Variants in RDH13 observed in about 807,000 individuals in gnomAD.
The protein encoded by RDH13 is retinol dehydrogenase 13, also known as retinol dehydrogenase 13 (all-trans and 9-cis).
Under a neutral mutation model 28.3 loss-of-function variants are expected in RDH13, and 35 were observed. The ratio of observed to expected loss-of-function variants is 1.24; its 90% CI spans 0.95 to 1.64. RDH13 has a LOEUF of 1.64. RDH13 is among the 40% of genes most tolerant of loss of function. The pLI is 0.00. For missense variants in RDH13, 514 were observed against 446.3 expected, an observed-to-expected ratio of 1.15 and a Z score of -1.37; for synonymous variants, 229 against 198.5, an observed-to-expected ratio of 1.15 and a Z score of -1.29.
At chr19:55,062,868 G>A in intron 1 of RDH13, 100 bp downstream of exon 1, 1 of 1,072,576 alleles carries the variant, frequency 9.3e-7, no homozygotes, top group Non-Finnish European at 1.2e-6. Context: ...GAGCTACGGG[G>A]CCTGGACCCG....
intron 2 of RDH13, 30 bp from the exon 3 acceptor site, chr19:55,056,838 A>G (rs2075653402): frequency 2.5e-6 from 4 of 1,585,906 alleles, no homozygotes; most frequent in Non-Finnish European, 2.6e-6. Context: ...AAAGATTTAA[A>G]TTAATAATCC....
chr19:55,066,622 C>G (rs150322383), upstream of RDH13, among the ~76,000 whole-genome samples: 1 of 148,484 alleles, frequency 6.7e-6, no homozygotes, highest in Non-Finnish European at 1.5e-5. Flanking sequence ...CTCTTCTTGT[C>G]TCTTTCTCTC....
Position 55,063,092 on chromosome 19 carries a change from C to T in RDH13, c.-60G>A. ...CGGCGCGGAGCTTGCTGCACACCAG[C>T]CGCCTGGGTAGCTCCGAGGAAGAGC... is the stretch of plus-strand genomic sequence containing the variant. On this transcript the variant is annotated 5_prime_UTR_variant, in exon 1 of 7. Coordinates refer to ENST00000415061, the MANE Select transcript of RDH13 (RefSeq NM_001145971.2). 1 of 1,263,286 alleles carries T rather than the reference C, an allele frequency of 7.9e-7. No individual in the cohort carries two copies. The highest frequency in any genetic ancestry group is 3.2e-5 in the East Asian group (1 of 31,626). 78.3% of individuals were successfully genotyped at this position (1,263,286 alleles called of 1,614,324 possible).
At chr19:55,048,911 C>T (rs971435143) in intron 3 of RDH13, 148 bp from the exon 4 acceptor site, 18 of 700,418 alleles carry the variant, frequency 2.6e-5, no homozygotes, top group African/African-American at 1.1e-4. Flanking sequence ...TGTCAGGATG[C>T]GGTCATTAGG....
chr19:55,042,071 C>G (rs373443464), downstream of RDH13: 8 of 151,720 alleles, frequency 5.3e-5, no homozygotes, highest in East Asian at 9.6e-4. Flanking sequence ...TCTGACTCCC[C>G]CTCCCTCCCT....
chr19:55,060,283 G>A (rs1341006351), intron 1 of RDH13, among the ~76,000 whole-genome samples: 1 of 151,768 alleles, frequency 6.6e-6, no homozygotes, highest in African/African-American at 2.4e-5. Flanking sequence ...GCCGCCCTAT[G>A]GCGGGAGGCG....
intron 1 of RDH13, 131 bp downstream of exon 1, chr19:55,062,837 C>G: frequency 1.3e-6 from 1 of 780,796 alleles, no homozygotes; most frequent in Non-Finnish European, 1.8e-6. Context: ...TGCCCCACTC[C>G]GGGCGGGCAC....
chr19:55,060,237 G>A (rs956816274), intron 1 of RDH13, among the ~76,000 whole-genome samples: 4 of 151,254 alleles, frequency 2.6e-5, no homozygotes, highest in African/African-American at 9.7e-5. Context: ...TATAAAACCT[G>A]ATTGTACATT....
chr19:55,051,240 C>G (rs1165015679), intron 3 of RDH13, among the ~76,000 whole-genome samples: 2 of 152,104 alleles, frequency 1.3e-5, no homozygotes, highest in Admixed American at 6.5e-5. Flanking sequence ...CAGGAGGCCC[C>G]TCTCAGGAGG....
intron 3 of RDH13, 24 bp from the exon 4 acceptor site, chr19:55,048,787 A>G (rs563453608): frequency 1.3e-6 from 2 of 1,596,696 alleles, no homozygotes; most frequent in Non-Finnish European, 1.7e-6. Flanking sequence ...GTGGAGGAGG[A>G]GACATCCCGG....
chr19:55,051,932 A>G (rs1025108912), intron 3 of RDH13, among the ~76,000 whole-genome samples: 3 of 151,322 alleles, frequency 2.0e-5, no homozygotes, highest in African/African-American at 4.9e-5. Flanking sequence ...GGGTTTGGCT[A>G]TGTTGCTTAG....
intron 3 of RDH13, among the ~76,000 whole-genome samples, chr19:55,049,829 T>G (rs2075368732): frequency 6.6e-6 from 1 of 150,394 alleles, no homozygotes; most frequent in African/African-American, 2.4e-5. Flanking sequence ...AGGCTGGAAG[T>G]CCCAGATCAA....
At chr19:55,052,268 C>T (rs932513352) in intron 3 of RDH13, among the ~76,000 whole-genome samples, 4 of 151,796 alleles carry the variant, frequency 2.6e-5, no homozygotes, top group African/African-American at 9.7e-5. Flanking sequence ...AGTAGCCGGG[C>T]ATGGTGGCAG....
At position 55,048,660 on chromosome 19, in the gene RDH13, C is replaced by G; in HGVS notation, c.444G>C (p.Leu148=). ...GTGCAGCCCCTGCCCAGGCCTCACC[C>G]AGGTGGTTAACGCCAAACTGCATCT... ...GFEMQFGVNH[L]GHFLLTNLLL... is the part of the protein sequence containing the mutation. Residue 148 remains leucine (L), a splice_region_variant and synonymous_variant, in exon 4 of 7, where the codon CTG becomes CTC. Coordinates refer to ENST00000415061, the MANE Select transcript of RDH13 (RefSeq NM_001145971.2). 2.5e-6 allele frequency: 4 copies of G among 1,613,768 alleles called. No individual in the cohort carries two copies. Among genetic ancestry groups the G allele is most frequent in the Non-Finnish European group, 3.4e-6 (4 of 1,179,922 alleles).
chr19:55,066,370 T>C (rs572784034), upstream of RDH13, among the ~76,000 whole-genome samples: 17 of 152,232 alleles, frequency 1.1e-4, no homozygotes, highest in African/African-American at 3.9e-4. Flanking sequence ...ATTCTGTCTC[T>C]CCTTTCTCGT....
chr19:55,058,690 T>G (rs983153335), intron 2 of RDH13, among the ~76,000 whole-genome samples: 1 of 144,740 alleles, frequency 6.9e-6, no homozygotes, highest in African/African-American at 2.5e-5. Flanking sequence ...TTTTGCTTTG[T>G]TTTGTTTTGT....
At chr19:55,047,356 C>A (rs763174484) in intron 6 of RDH13, 31 bp downstream of exon 6, 5 of 1,603,272 alleles carry the variant, frequency 3.1e-6, no homozygotes, top group African/African-American at 2.7e-5. Flanking sequence ...GAGGGCTCCA[C>A]GTGGAGACCC....
chr19:55,050,387 C>T (rs2147012901), intron 3 of RDH13, among the ~76,000 whole-genome samples: 1 of 152,204 alleles, frequency 6.6e-6, no homozygotes, highest in South Asian at 2.1e-4. Flanking sequence ...AGTGCTGGGA[C>T]TGCAGGCGTG....
intron 2 of RDH13, among the ~76,000 whole-genome samples, chr19:55,057,451 T>A (rs910944523): frequency 6.6e-6 from 1 of 150,598 alleles, no homozygotes; most frequent in African/African-American, 2.4e-5. Flanking sequence ...TTTTTTTTTT[T>A]AGATGGAGTC....
Sources: gnomAD v4.1 joint callset for allele counts (sites outside exome capture counted in the v4.1 genomes callset) on GRCh38, gnomAD v4.1.1 for gene constraint, MANE v1.5 for transcripts, NCBI Gene and HGNC (gene_info 2026-07-23, HGNC 2026-07-21) for gene names.